Variants in CSMD1 observed in about 807,000 individuals in gnomAD.
CSMD1 encodes CUB and sushi domain-containing protein 1.
A neutral mutation model predicts 417.5 loss-of-function variants in CSMD1; 213 were observed. The observed-to-expected ratio is 0.51, with a 90% confidence interval of 0.46 to 0.57. The LOEUF is 0.57. Ranked by LOEUF, CSMD1 falls within the 20% of genes least tolerant of loss-of-function variation. CSMD1 has a pLI of 0.00. For missense variants in CSMD1, 6,923 were observed against 4,529.7 expected (o/e 1.53, Z -15.17); for synonymous variants, 2,862 against 1,736.8 (o/e 1.65, Z -16.11).
chr8:4,219,363 CT>C (rs1173107909), intron 3 of CSMD1, among the ~76,000 whole-genome samples: 3 of 152,168 alleles, frequency 2.0e-5, no homozygotes, highest in African/African-American at 7.2e-5. Flanking sequence ...GCACATCCCC[CT>C]GGCACAGAGT....
intron 1 of CSMD1, among the ~76,000 whole-genome samples, chr8:4,791,452 G>T (rs926672029): frequency 6.6e-6 from 1 of 152,180 alleles, no homozygotes; most frequent in Non-Finnish European, 1.5e-5. Flanking sequence ...TAAGGTTTGT[G>T]ATCTTGAAAA....
At chr8:4,085,883 T>C (rs1800392939) in intron 3 of CSMD1, among the ~76,000 whole-genome samples, 1 of 152,200 alleles carries the variant, frequency 6.6e-6, no homozygotes, top group Non-Finnish European at 1.5e-5. Context: ...ATTATTATTG[T>C]ACTCTAGTTT....
At chr8:4,441,967 G>A (rs1430985967) in intron 2 of CSMD1, among the ~76,000 whole-genome samples, 6 of 152,126 alleles carry the variant, frequency 3.9e-5, no homozygotes, top group African/African-American at 7.2e-5. Flanking sequence ...GGGGCCAAAT[G>A]TTCCGAAAAC....
chr8:3,414,955 A>G (rs1355467781), intron 12 of CSMD1, among the ~76,000 whole-genome samples: 4 of 151,998 alleles, frequency 2.6e-5, no homozygotes, highest in Non-Finnish European at 5.9e-5. Context: ...TCTGCATTAT[A>G]TGTACTTTTT....
intron 1 of CSMD1, among the ~76,000 whole-genome samples, chr8:4,761,894 C>CCTAT (rs1184568281): frequency 1.3e-4 from 11 of 83,742 alleles, no homozygotes; most frequent in African/African-American, 4.9e-4. Context: ...TATCTACCTA[C>CCTAT]CTATCTATCT....
At chr8:4,036,319 A>G (rs1243334144) in intron 3 of CSMD1, among the ~76,000 whole-genome samples, 1 of 146,972 alleles carries the variant, frequency 6.8e-6, no homozygotes, top group Admixed American at 7.1e-5. Flanking sequence ...CATCTACAGT[A>G]TATTTAGTAA....
At chr8:3,894,099 G>A (rs1807182509) in intron 5 of CSMD1, among the ~76,000 whole-genome samples, 1 of 152,152 alleles carries the variant, frequency 6.6e-6, no homozygotes, top group Non-Finnish European at 1.5e-5. Flanking sequence ...CTTTCACGGT[G>A]TTCCGTCTAT....
chr8:4,897,297 A>G (rs191814616), intron 1 of CSMD1, among the ~76,000 whole-genome samples: 1 of 152,114 alleles, frequency 6.6e-6, no homozygotes, highest in Non-Finnish European at 1.5e-5. Flanking sequence ...TAAGAAAAAA[A>G]CGGAAAAAAT....
chr8:3,937,592 A>G (rs1393041251), intron 5 of CSMD1, among the ~76,000 whole-genome samples: 1 of 152,158 alleles, frequency 6.6e-6, no homozygotes, highest in Non-Finnish European at 1.5e-5. Flanking sequence ...TAACTTTAAT[A>G]TGCACTGGGG....
At chr8:3,977,067 T>G (rs573199500) in intron 5 of CSMD1, among the ~76,000 whole-genome samples, 2 of 152,278 alleles carry the variant, frequency 1.3e-5, no homozygotes, top group South Asian at 4.1e-4. Flanking sequence ...GAATTTCTTT[T>G]TCCATTTAGA....
intron 3 of CSMD1, among the ~76,000 whole-genome samples, chr8:4,101,525 G>A (rs540817637): frequency 1.3e-5 from 2 of 152,216 alleles, no homozygotes; most frequent in South Asian, 2.1e-4. Flanking sequence ...ATGCCGACCA[G>A]GAAACATACC....
intron 5 of CSMD1, among the ~76,000 whole-genome samples, chr8:3,780,961 C>A (rs1009555512): frequency 2.0e-5 from 3 of 151,820 alleles, no homozygotes; most frequent in Non-Finnish European, 2.9e-5. Flanking sequence ...CTAAAGATAT[C>A]TGTCTTCATG....
At chr8:3,947,157 T>C (rs1174472971) in intron 5 of CSMD1, among the ~76,000 whole-genome samples, 1 of 152,206 alleles carries the variant, frequency 6.6e-6, no homozygotes, top group East Asian at 1.9e-4. Context: ...AAATTAGTTA[T>C]AAAATTTCCA....
chr8:4,197,861 A>G (rs1422886603), intron 3 of CSMD1, among the ~76,000 whole-genome samples: 3 of 152,226 alleles, frequency 2.0e-5, no homozygotes, highest in Non-Finnish European at 4.4e-5. Flanking sequence ...CCTGGGCAAC[A>G]GAGTAAGACT....
Position 4,265,918 on chromosome 8 carries a change from T to C in CSMD1, c.415+154035A>G, listed in dbSNP as rs575064060. 4.8e-5 allele frequency among the ~76,000 whole-genome samples: 5 copies of C among 103,886 alleles called. 1 individual carries two copies. Among genetic ancestry groups the C allele is most frequent in the Non-Finnish European group, 7.7e-5 (3 of 38,722 alleles). The allele number at this position is 103,886 out of a possible 152,430, so 68.2% of individuals were successfully genotyped here. On this transcript the variant is annotated intron_variant, in intron 3 of 69. Coordinates refer to ENST00000635120, the MANE Select transcript of CSMD1 (RefSeq NM_033225.6). ...AAATCCAAAATAAAATGTGAAGAAATAGATTTCCCCCCATTGCCCAGGAGA... is the reference window on the plus strand; with the variant it reads ...AAATCCAAAATAAAATGTGAAGAAACAGATTTCCCCCCATTGCCCAGGAGA...
chr8:3,564,670 T>C (rs1316686318), intron 10 of CSMD1, among the ~76,000 whole-genome samples: 1 of 151,832 alleles, frequency 6.6e-6, no homozygotes, highest in East Asian at 1.9e-4. Context: ...AACTGAGGTG[T>C]TATAAGAAAA....
chr8:2,981,404 T>C (rs1805412992), intron 54 of CSMD1, among the ~76,000 whole-genome samples: 1 of 151,904 alleles, frequency 6.6e-6, no homozygotes, highest in Non-Finnish European at 1.5e-5. Flanking sequence ...TGCGGAGATA[T>C]GTCAGGCCCA....
At chr8:2,983,388 G>A (rs1295904433) in intron 54 of CSMD1, among the ~76,000 whole-genome samples, 3 of 152,010 alleles carry the variant, frequency 2.0e-5, no homozygotes, top group Non-Finnish European at 4.4e-5. Context: ...GAGTTTCACT[G>A]TATTAGCCAG....
chr8:3,936,931 TG>T (rs1810538782), intron 5 of CSMD1, among the ~76,000 whole-genome samples: 1 of 152,176 alleles, frequency 6.6e-6, no homozygotes, highest in African/African-American at 2.4e-5. Context: ...TTGTGATTCA[TG>T]GGAAGAGGTC....
Sources: allele counts gnomAD v4.1 joint callset (sites outside exome capture counted in the v4.1 genomes callset), GRCh38; gene constraint gnomAD v4.1.1; transcripts MANE v1.5; gene names NCBI Gene and HGNC (gene_info 2026-07-23, HGNC 2026-07-21).